TMC1: variants seen among roughly 807,000 people sequenced by gnomAD.
The protein encoded by TMC1 is transmembrane channel like 1, also known as transmembrane channel-like protein 1.
TMC1 carries 84 observed loss-of-function variants against 105.8 expected under a neutral mutation model. The ratio of observed to expected loss-of-function variants is 0.79; its 90% CI spans 0.67 to 0.95. The LOEUF (loss-of-function observed/expected upper bound fraction) is 0.95, where lower values mean the gene tolerates loss of function less well. Ranked by LOEUF, TMC1 falls within the 40% of genes least tolerant of loss-of-function variation. The pLI, the probability that TMC1 is intolerant of heterozygous loss-of-function variation, is 0.00. For missense variants in TMC1, 817 were observed against 914.1 expected (o/e 0.89, Z 1.37); for synonymous variants, 315 against 311.5 (o/e 1.01, Z -0.12).
intron 2 of TMC1, among the ~76,000 whole-genome samples, chr9:72,599,905 A>G (rs1488308977): frequency 6.6e-6 from 1 of 152,238 alleles, no homozygotes; most frequent in Non-Finnish European, 1.5e-5. Context: ...AGAGACTGAT[A>G]TTTAAATAAC....
intron 1 of TMC1, among the ~76,000 whole-genome samples, chr9:72,577,233 GC>G (rs1264072477): frequency 6.6e-6 from 1 of 152,110 alleles, no homozygotes; most frequent in Non-Finnish European, 1.5e-5. Context: ...CTCTTGGGCT[GC>G]TCATAACCTA....
rs1024132734 is a variant in TMC1, at chr9:72,790,307, A to T, written c.1224+990A>T. Among the ~76,000 whole-genome samples the T allele has an allele frequency of 4.6e-4, 70 of 152,218 alleles. 3 individuals carry two copies. ...AATGATATAATCTACTTACAGAAAA[A>T]GGTTCCAAATAACATTCTGAGTATT... On this transcript the variant is annotated intron_variant, in intron 15 of 23. Transcript: ENST00000297784.
intron 5 of TMC1, among the ~76,000 whole-genome samples, chr9:72,657,567 G>A (rs1326544962): frequency 6.6e-6 from 1 of 151,954 alleles, no homozygotes; most frequent in Non-Finnish European, 1.5e-5. Context: ...TTTCAGTTTT[G>A]GGGTGGTTCT....
At chr9:72,827,873 A>G (rs1347074040) in intron 21 of TMC1, among the ~76,000 whole-genome samples, 1 of 152,232 alleles carries the variant, frequency 6.6e-6, no homozygotes, top group African/African-American at 2.4e-5. Context: ...TAAAACAAGG[A>G]AATCTCAGGG....
intron 5 of TMC1, chr9:72,656,320 G>T: frequency 5.1e-6 from 1 of 194,734 alleles, no homozygotes; most frequent in African/African-American, 2.3e-5. Flanking sequence ...GGTGTTTCAT[G>T]TTTTAAAATC....
intron 1 of TMC1, among the ~76,000 whole-genome samples, chr9:72,525,648 A>T (rs1823393390): frequency 6.6e-6 from 1 of 152,166 alleles, no homozygotes; most frequent in Admixed American, 6.6e-5. Flanking sequence ...AAAGAAAGGG[A>T]AACAGTTTGA....
At chr9:72,793,633 T>C (rs762771321) in intron 17 of TMC1, among the ~76,000 whole-genome samples, 29 of 152,212 alleles carry the variant, frequency 1.9e-4, no homozygotes, top group Non-Finnish European at 3.1e-4. Context: ...TGTACATTTC[T>C]GGGATGGAGC....
intron 8 of TMC1, among the ~76,000 whole-genome samples, chr9:72,725,393 A>C (rs1257535300): frequency 3.5e-5 from 5 of 143,752 alleles, no homozygotes; most frequent in African/African-American, 1.3e-4. Context: ...ACATGCGTAC[A>C]TATATATACA....
intron 23 of TMC1, among the ~76,000 whole-genome samples, chr9:72,834,831 C>T (rs936803098): frequency 1.3e-5 from 2 of 152,214 alleles, no homozygotes; most frequent in East Asian, 1.9e-4. Context: ...GCTGCTGTTT[C>T]GTTTTTTAAT....
chr9:72,807,248 A>G (rs1454459317), intron 18 of TMC1, among the ~76,000 whole-genome samples: 3 of 152,170 alleles, frequency 2.0e-5, no homozygotes, highest in Non-Finnish European at 4.4e-5. Flanking sequence ...CCGTGGAAAG[A>G]GAGGGAGAGG....
intron 18 of TMC1, among the ~76,000 whole-genome samples, chr9:72,811,590 G>A (rs1477955540): frequency 6.6e-6 from 1 of 152,108 alleles, no homozygotes; most frequent in Non-Finnish European, 1.5e-5. Flanking sequence ...TACCAGCAAA[G>A]CAAGTAAAGA....
intron 4 of TMC1, among the ~76,000 whole-genome samples, chr9:72,628,604 T>C (rs1825393356): frequency 6.6e-6 from 1 of 152,226 alleles, no homozygotes; most frequent in Non-Finnish European, 1.5e-5. Context: ...GTCAATCTAT[T>C]TTTAGAAGGG....
chr9:72,794,121 G>T (rs1031078280), intron 17 of TMC1, among the ~76,000 whole-genome samples: 2 of 151,112 alleles, frequency 1.3e-5, no homozygotes, highest in Non-Finnish European at 2.9e-5. Context: ...CCCCCAGCTC[G>T]GACCCACAAC....
chr9:72,628,155 T>C, intron 4 of TMC1, 92 bp downstream of exon 4: 1 of 451,690 alleles, frequency 2.2e-6, no homozygotes, highest in Non-Finnish European at 4.4e-6. Context: ...CAGGATTGTA[T>C]GGAATGGGAT....
intron 8 of TMC1, among the ~76,000 whole-genome samples, chr9:72,723,343 AAC>A (rs1471993737): frequency 3.9e-5 from 6 of 152,102 alleles, no homozygotes; most frequent in Non-Finnish European, 8.8e-5. Flanking sequence ...CATAAAGTGG[AAC>A]ACTTTTTATT....
At chr9:72,685,210 C>G (rs1433579901) in intron 5 of TMC1, among the ~76,000 whole-genome samples, 2 of 144,072 alleles carry the variant, frequency 1.4e-5, no homozygotes, top group Non-Finnish European at 1.5e-5. Flanking sequence ...GGGTTCATAC[C>G]ATTCTCCTGT....
intron 1 of TMC1, among the ~76,000 whole-genome samples, chr9:72,572,587 A>G (rs1824307553): frequency 6.6e-6 from 1 of 152,242 alleles, no homozygotes; most frequent in Non-Finnish European, 1.5e-5. Context: ...CATGCTAGGC[A>G]TTGACAAATG....
At chr9:72,561,825 A>G (rs1824055677) in intron 1 of TMC1, among the ~76,000 whole-genome samples, 1 of 152,156 alleles carries the variant, frequency 6.6e-6, no homozygotes, top group Admixed American at 6.5e-5. Context: ...TGGGTCACAG[A>G]GTTGGAGATG....
rs1310262129 is a variant in TMC1, at chr9:72,772,377, CG to C, written c.742-35del. On this transcript the variant is annotated intron_variant, in intron 12 of 23. Transcript: ENST00000297784. ...ATCTTTTCCTTTGAGTTGCTCTTCACGACAACTGCTAAGTGGCTTTGTTGTT... is the reference window on the plus strand; with the variant it reads ...ATCTTTTCCTTTGAGTTGCTCTTCACACAACTGCTAAGTGGCTTTGTTGTT... 2.5e-6 allele frequency: 4 copies of C among 1,613,288 alleles called. No homozygotes were observed. The Admixed American group carries it at 6.7e-5, about 27-fold the overall frequency.
Sources: allele counts gnomAD v4.1 joint callset (sites outside exome capture counted in the v4.1 genomes callset), GRCh38; gene constraint gnomAD v4.1.1; transcripts MANE v1.5; gene names NCBI Gene and HGNC (gene_info 2026-07-23, HGNC 2026-07-21).